The following CENPI variants were observed in gnomAD, a reference collection of about 807,000 sequenced individuals.
CENPI encodes centromere protein I.
Under a neutral mutation model 60.4 loss-of-function variants are expected in CENPI, and 4 were observed. That is an observed-to-expected ratio of 0.07 (90% CI 0.03 to 0.15). CENPI has a LOEUF of 0.15. Ranked by LOEUF, CENPI falls within the 10% of genes least tolerant of loss-of-function variation. The pLI, the probability that CENPI is intolerant of heterozygous loss-of-function variation, is 1.00. For missense variants in CENPI, 444 were observed against 534.5 expected (o/e 0.83, Z 1.67); for synonymous variants, 157 against 189.4 (o/e 0.83, Z 1.40).
intron 5 of CENPI, 146 bp downstream of exon 5, chrX:101,109,737 C>A: frequency 1.7e-6 from 1 of 577,209 alleles, no homozygotes; most frequent in South Asian, 2.8e-5. Context: ...GGACTATGTT[C>A]AAACAGAAAT....
chrX:101,138,175 A>G (rs1177108666), intron 15 of CENPI, among the ~76,000 whole-genome samples: 1 of 98,962 alleles, frequency 1.0e-5, no homozygotes, highest in Non-Finnish European at 2.0e-5. Flanking sequence ...TTTAGTAGAG[A>G]TGGCGTTTCA....
intron 8 of CENPI, among the ~76,000 whole-genome samples, chrX:101,122,451 T>C (rs1467381339): frequency 8.9e-6 from 1 of 112,272 alleles, no homozygotes; most frequent in East Asian, 2.8e-4. Flanking sequence ...CTTAGTTCTC[T>C]GAAGATATTA....
At chrX:101,127,995 C>T (rs1388464667) in intron 11 of CENPI, among the ~76,000 whole-genome samples, 2 of 111,071 alleles carry the variant, frequency 1.8e-5, no homozygotes, top group East Asian at 5.7e-4. Context: ...GTCAGGAGTT[C>T]AAGACCAGCC....
At chrX:101,177,750 C>G in the CENPI span, among the ~76,000 whole-genome samples, 4 of 112,225 alleles carry the variant, frequency 3.6e-5, no homozygotes, top group Non-Finnish European at 7.5e-5. Context: ...TGAAGGTGTG[C>G]TGCAGCTTCA....
In CENPI at chrX:101,098,544, G is replaced by T. The variant is rs1351597664; in HGVS notation, c.-14+5G>T. 9.0e-6 allele frequency: 1 copy of T among 111,588 alleles called. No homozygotes were observed. The highest frequency in any genetic ancestry group is 3.3e-5 in the African/African-American group (1 of 30,680). 9.2% of individuals were successfully genotyped at this position (111,588 alleles called of 1,213,427 possible). ...GTTCCAGGGAGGTGGGATTGAGTAA[G>T]TGTCATTCCGACTATTCCTTTAGTT... On this transcript the variant is annotated splice_donor_5th_base_variant and intron_variant, in intron 2 of 21. Coordinates refer to ENST00000682095, the MANE Select transcript of CENPI (RefSeq NM_001386188.2).
intron 15 of CENPI, among the ~76,000 whole-genome samples, chrX:101,133,521 C>T (rs1222166956): frequency 4.7e-5 from 5 of 107,078 alleles, no homozygotes; most frequent in Admixed American, 2.1e-4. Flanking sequence ...CATTCAGACA[C>T]GTATATTTGA....
intron 4 of CENPI, among the ~76,000 whole-genome samples, chrX:101,105,481 G>A (rs367927344): frequency 1.8e-5 from 2 of 112,188 alleles, no homozygotes; most frequent in African/African-American, 6.5e-5. Context: ...CCGAGGTCAT[G>A]CCACTGCACT....
At chrX:101,154,087 C>A (rs2090031818) in intron 20 of CENPI, among the ~76,000 whole-genome samples, 1 of 111,645 alleles carries the variant, frequency 9.0e-6, no homozygotes, top group African/African-American at 3.3e-5. Flanking sequence ...ACTCTTAATT[C>A]TATTTTATGG....
the CENPI span, among the ~76,000 whole-genome samples, chrX:101,177,748 TGCTGCA>T: frequency 8.9e-6 from 1 of 112,179 alleles, no homozygotes; most frequent in African/African-American, 3.2e-5. Flanking sequence ...TGTGAAGGTG[TGCTGCA>T]GCTTCACTGC....
chrX:101,126,691 A>T lies in CENPI; in HGVS notation c.688-18A>T, dbSNP rs1355376551. ...TAATAGCCACAGAATTGAAAATGGA[A>T]AACTTATTTTATTTCAGGGAATGCA... On this transcript the variant is annotated intron_variant, in intron 8 of 21. Transcript: ENST00000682095. The T allele has an allele frequency of 8.5e-7, 1 of 1,173,297 alleles. No individual in the cohort carries two copies. Among genetic ancestry groups the T allele is most frequent in the Non-Finnish European group, 1.2e-6 (1 of 864,111 alleles).
chrX:101,135,813 C>T (rs1014863577), intron 15 of CENPI, among the ~76,000 whole-genome samples: 19 of 111,374 alleles, frequency 1.7e-4, no homozygotes, highest in Non-Finnish European at 3.0e-4. Flanking sequence ...CTCCGCCTAG[C>T]GGGTTCAAGC....
At chrX:101,178,398 C>CTTCT in the CENPI span, among the ~76,000 whole-genome samples, 78 of 39,976 alleles carry the variant, frequency 2.0e-3, no homozygotes, top group Non-Finnish European at 3.4e-3. Context: ...TTTTCTTCTT[C>CTTCT]TTTTTTTTTT....
intron 6 of CENPI, among the ~76,000 whole-genome samples, chrX:101,111,129 A>T (rs767300047): frequency 5.4e-5 from 6 of 111,084 alleles, no homozygotes; most frequent in African/African-American, 1.6e-4. Flanking sequence ...TTCAGTGGGG[A>T]AATCACTGAA....
chrX:101,152,151 G>C (rs112344881), intron 20 of CENPI, among the ~76,000 whole-genome samples: 26,341 of 109,334 alleles, frequency 0.24, 2,307 homozygotes, highest in South Asian at 0.35. Context: ...TGCAACCTCC[G>C]CCTCCCGGGT....
At chrX:101,160,971 G>T (rs1409704899) in intron 20 of CENPI, among the ~76,000 whole-genome samples, 1 of 111,580 alleles carries the variant, frequency 9.0e-6, no homozygotes, top group Non-Finnish European at 1.9e-5. Flanking sequence ...CAACTCAGAG[G>T]AGTTGTACTC....
At chrX:101,154,660 G>A (rs1220339132) in intron 20 of CENPI, among the ~76,000 whole-genome samples, 2 of 111,754 alleles carry the variant, frequency 1.8e-5, no homozygotes, top group Non-Finnish European at 3.8e-5. Flanking sequence ...AATTTGGGTA[G>A]TATTGCCATC....
chrX:101,151,502 T>C (rs2090005835), intron 20 of CENPI, among the ~76,000 whole-genome samples: 1 of 111,691 alleles, frequency 9.0e-6, no homozygotes, highest in South Asian at 3.7e-4. Context: ...ATCTACCTTT[T>C]GTTATGGAAA....
intron 20 of CENPI, among the ~76,000 whole-genome samples, chrX:101,156,009 CT>C (rs1216040036): frequency 1.0e-4 from 7 of 69,343 alleles, no homozygotes; most frequent in Non-Finnish European, 1.9e-4. Flanking sequence ...AACTTATCCT[CT>C]TTTTTTTTTC....
At chrX:101,102,679 GT>G (rs1165702970) in intron 4 of CENPI, among the ~76,000 whole-genome samples, 1 of 103,410 alleles carries the variant, frequency 9.7e-6, no homozygotes. Context: ...ATGTTGTTTT[GT>G]TTTTTGTTTT....
Sources: gnomAD v4.1 joint callset for allele counts (sites outside exome capture counted in the v4.1 genomes callset) on GRCh38, gnomAD v4.1.1 for gene constraint, MANE v1.5 for transcripts, NCBI Gene and HGNC (gene_info 2026-07-23, HGNC 2026-07-21) for gene names.